Variants in CTNND2 observed in about 807,000 individuals in gnomAD.
CTNND2 encodes catenin delta 2, also known as catenin delta-2.
A neutral mutation model predicts 144.4 loss-of-function variants in CTNND2; 22 were observed. That is an observed-to-expected ratio of 0.15 (90% CI 0.11 to 0.22). The LOEUF is 0.22. Ranked by LOEUF, CTNND2 falls within the 10% of genes least tolerant of loss-of-function variation. The probability of loss-of-function intolerance (pLI) is 1.00; values close to 1 mark genes in which losing one functional copy is unlikely to be tolerated. For missense variants in CTNND2, 1,353 were observed against 1,618.8 expected (o/e 0.84, Z 2.82); for synonymous variants, 751 against 695.6 (o/e 1.08, Z -1.25).
At chr5:11,312,423 G>C (rs258626) in intron 9 of CTNND2, among the ~76,000 whole-genome samples, 10,555 of 152,056 alleles carry the variant, frequency 0.069, 1,135 homozygotes, top group African/African-American at 0.23. Context: ...GCGAAAGGCA[G>C]TTCTTACATG....
At chr5:11,303,702 G>A (rs1303209458) in intron 9 of CTNND2, among the ~76,000 whole-genome samples, 1 of 152,066 alleles carries the variant, frequency 6.6e-6, no homozygotes, top group Non-Finnish European at 1.5e-5. Flanking sequence ...TGTGGTAATG[G>A]GAAACCAACC....
At chr5:11,811,985 C>CA (rs1252438943) in intron 1 of CTNND2, among the ~76,000 whole-genome samples, 1 of 152,030 alleles carries the variant, frequency 6.6e-6, no homozygotes, top group African/African-American at 2.4e-5. Flanking sequence ...CACTATAACA[C>CA]AAAAAAAGCA....
chr5:11,708,050 GATT>G (rs574811606), intron 2 of CTNND2, among the ~76,000 whole-genome samples: 2,138 of 136,782 alleles, frequency 0.016, 50 homozygotes, highest in African/African-American at 0.06. Context: ...TTTTAAAGAT[GATT>G]TTTTTTTTTT....
chr5:11,225,211 A>G (rs1168015179), intron 10 of CTNND2, among the ~76,000 whole-genome samples: 4 of 152,100 alleles, frequency 2.6e-5, no homozygotes, highest in Non-Finnish European at 5.9e-5. Flanking sequence ...AGCGACCACC[A>G]GTAAACTATG....
intron 2 of CTNND2, among the ~76,000 whole-genome samples, chr5:11,566,422 T>C (rs567757617): frequency 7.9e-5 from 12 of 152,322 alleles, no homozygotes; most frequent in Middle Eastern, 3.4e-3. Flanking sequence ...TGCTTTTTTT[T>C]CTTTCTGGAA....
chr5:11,502,600 C>T (rs1209549310), intron 3 of CTNND2, among the ~76,000 whole-genome samples: 1 of 152,210 alleles, frequency 6.6e-6, no homozygotes, highest in African/African-American at 2.4e-5. Context: ...CACCATCTAT[C>T]TTGAGCTCTT....
chr5:11,038,497 T>C (rs1207158400), intron 16 of CTNND2, among the ~76,000 whole-genome samples: 1 of 152,198 alleles, frequency 6.6e-6, no homozygotes, highest in Non-Finnish European at 1.5e-5. Context: ...TGGTCTTCCA[T>C]GAAACTGGTC....
chr5:11,240,261 CACACACACACCCA>C (rs1742125912), intron 9 of CTNND2, among the ~76,000 whole-genome samples: 1 of 131,428 alleles, frequency 7.6e-6, no homozygotes, highest in Non-Finnish European at 1.6e-5. Context: ...ACACACCCAA[CACACACACACCCA>C]ACACACACAC....
chr5:11,408,825 A>C (rs965006945), intron 5 of CTNND2, among the ~76,000 whole-genome samples: 22 of 152,110 alleles, frequency 1.4e-4, no homozygotes, highest in African/African-American at 5.3e-4. Flanking sequence ...GAGTTTCTCA[A>C]CTAAGAAAGC....
intron 10 of CTNND2, among the ~76,000 whole-genome samples, chr5:11,199,897 G>A (rs1737254373): frequency 6.6e-6 from 1 of 152,164 alleles, no homozygotes; most frequent in Non-Finnish European, 1.5e-5. Flanking sequence ...TAGAATTTTG[G>A]AAAGGTGATT....
At chr5:11,538,049 C>T (rs1774384791) in intron 3 of CTNND2, among the ~76,000 whole-genome samples, 2 of 152,290 alleles carry the variant, frequency 1.3e-5, no homozygotes, top group South Asian at 4.1e-4. Flanking sequence ...ACTCTTCCTG[C>T]GTGATTGTCA....
chr5:11,866,688 G>A (rs1440971997), intron 1 of CTNND2, among the ~76,000 whole-genome samples: 1 of 152,186 alleles, frequency 6.6e-6, no homozygotes, highest in Non-Finnish European at 1.5e-5. Flanking sequence ...CCTACAAACA[G>A]AAAAGCTTTT....
intron 11 of CTNND2, among the ~76,000 whole-genome samples, chr5:11,161,094 G>A (rs1758726072): frequency 6.6e-6 from 1 of 152,132 alleles, no homozygotes. Context: ...CAGTACAGGG[G>A]GTTAACCTGA....
At chr5:11,291,975 C>T (rs534953277) in intron 9 of CTNND2, among the ~76,000 whole-genome samples, 11 of 152,028 alleles carry the variant, frequency 7.2e-5, no homozygotes, top group Non-Finnish European at 1.6e-4. Flanking sequence ...ACATCCTGAC[C>T]TATCCACCCC....
chr5:11,346,963 G>C (rs1185887057), intron 8 of CTNND2, among the ~76,000 whole-genome samples: 1 of 152,054 alleles, frequency 6.6e-6, no homozygotes, highest in Non-Finnish European at 1.5e-5. Context: ...GGAGGCATGG[G>C]AAGTTAATTC....
chr5:11,358,162 A>C (rs186604826), intron 8 of CTNND2, among the ~76,000 whole-genome samples: 26 of 152,286 alleles, frequency 1.7e-4, no homozygotes, highest in Admixed American at 1.6e-3. Flanking sequence ...CCAGCTGTGT[A>C]ATTTTCAGTA....
At chr5:11,349,697 A>G (rs1755139153) in intron 8 of CTNND2, among the ~76,000 whole-genome samples, 1 of 152,210 alleles carries the variant, frequency 6.6e-6, no homozygotes, top group South Asian at 2.1e-4. Flanking sequence ...ATTATATTGA[A>G]AAATATTACA....
intron 12 of CTNND2, among the ~76,000 whole-genome samples, chr5:11,131,798 A>G (rs1003814098): frequency 6.6e-6 from 1 of 152,208 alleles, no homozygotes; most frequent in Non-Finnish European, 1.5e-5. Flanking sequence ...CAAAAAAAAA[A>G]ACAAAAAACT....
chr5:11,090,898 G>C (rs1431244779), intron 15 of CTNND2, among the ~76,000 whole-genome samples: 1 of 151,692 alleles, frequency 6.6e-6, no homozygotes, highest in Non-Finnish European at 1.5e-5. Context: ...TATCTTGTAT[G>C]GAACATGTCT....
Sources: allele counts gnomAD v4.1 joint callset (sites outside exome capture counted in the v4.1 genomes callset), GRCh38; gene constraint gnomAD v4.1.1; transcripts MANE v1.5; gene names NCBI Gene and HGNC (gene_info 2026-07-23, HGNC 2026-07-21).